The following IL1RAPL1 variants were observed in gnomAD, a reference collection of about 807,000 sequenced individuals.
IL1RAPL1 encodes interleukin 1 receptor accessory protein like 1, also known as interleukin-1 receptor accessory protein-like 1.
A neutral mutation model predicts 48.4 loss-of-function variants in IL1RAPL1; 3 were observed. The observed-to-expected ratio is 0.06, with a 90% CI of 0.03 to 0.16. The LOEUF (loss-of-function observed/expected upper bound fraction) is 0.16. IL1RAPL1 is among the 10% of genes least tolerant of loss of function. The probability of loss-of-function intolerance (pLI) is 1.00; values close to 1 mark genes in which losing one functional copy is unlikely to be tolerated. For missense variants in IL1RAPL1, 349 were observed against 530.6 expected (o/e 0.66, Z 3.36); for synonymous variants, 185 against 187.7 (o/e 0.99, Z 0.12).
At position 28,896,257 on chromosome X, in the gene IL1RAPL1, G is replaced by C. The variant is rs979751256; in HGVS notation, c.82+106832G>C. Among the ~76,000 whole-genome samples, 4 of 112,046 alleles carry C rather than the reference G, an allele frequency of 3.6e-5. No homozygotes were observed. The Admixed American group carries it at 3.8e-4, about 11-fold the overall frequency. The stretch of plus-strand genomic sequence containing the variant: ...GAGGTTAATTAAGTCCTGTTGTGGG[G>C]TTTGAGGGCTGGAATTTAATTTTTG... On this transcript the variant is annotated intron_variant, in intron 2 of 10. Transcript: ENST00000378993.
At chrX:29,149,257 T>C (rs1216748934) in intron 2 of IL1RAPL1, among the ~76,000 whole-genome samples, 2 of 110,835 alleles carry the variant, frequency 1.8e-5, no homozygotes, top group Non-Finnish European at 3.8e-5. Flanking sequence ...ATTTATCTAG[T>C]CTGCATTTGG....
At chrX:29,575,285 C>G (rs1300076868) in intron 5 of IL1RAPL1, among the ~76,000 whole-genome samples, 1 of 111,505 alleles carries the variant, frequency 9.0e-6, no homozygotes, top group African/African-American at 3.3e-5. Flanking sequence ...TCACATGAAC[C>G]CAAGTCAAAG....
At chrX:29,249,981 A>G (rs2147572548) in intron 2 of IL1RAPL1, among the ~76,000 whole-genome samples, 1 of 112,272 alleles carries the variant, frequency 8.9e-6, no homozygotes, top group Non-Finnish European at 1.9e-5. Context: ...AAAATGTTAT[A>G]TAGGAAATTT....
At chrX:28,705,704 G>A (rs1935367476) in intron 1 of IL1RAPL1, among the ~76,000 whole-genome samples, 1 of 111,661 alleles carries the variant, frequency 9.0e-6, no homozygotes, top group Non-Finnish European at 1.9e-5. Flanking sequence ...AATTGCTCAT[G>A]AAATTCTGCT....
intron 3 of IL1RAPL1, among the ~76,000 whole-genome samples, chrX:29,293,486 A>G (rs1932401534): frequency 9.0e-6 from 1 of 111,587 alleles, no homozygotes; most frequent in Middle Eastern, 4.2e-3. Flanking sequence ...TCAAATTAAT[A>G]TGGAGTAGAT....
chrX:29,897,510 G>A (rs1261779014), intron 6 of IL1RAPL1, among the ~76,000 whole-genome samples: 1 of 111,700 alleles, frequency 9.0e-6, no homozygotes, highest in African/African-American at 3.3e-5. Context: ...TTATTGTTAT[G>A]TAAACCAGTA....
At chrX:29,681,229 C>G (rs1926440503) in intron 6 of IL1RAPL1, among the ~76,000 whole-genome samples, 1 of 112,481 alleles carries the variant, frequency 8.9e-6, no homozygotes, top group African/African-American at 3.2e-5. Flanking sequence ...AGAGTTTATA[C>G]TACGAAATAC....
intron 2 of IL1RAPL1, among the ~76,000 whole-genome samples, chrX:29,199,637 G>A (rs1439049993): frequency 9.0e-6 from 1 of 111,182 alleles, no homozygotes; most frequent in Non-Finnish European, 1.9e-5. Flanking sequence ...CAATAGGTTT[G>A]CTCTCCTATG....
intron 6 of IL1RAPL1, among the ~76,000 whole-genome samples, chrX:29,724,289 A>G (rs1358611701): frequency 9.0e-6 from 1 of 110,969 alleles, no homozygotes; most frequent in Non-Finnish European, 1.9e-5. Flanking sequence ...GCCACTGACC[A>G]CTCCCTCAGG....
chrX:29,433,376 A>G (rs1380420257), intron 5 of IL1RAPL1, among the ~76,000 whole-genome samples: 2 of 110,934 alleles, frequency 1.8e-5, no homozygotes, highest in African/African-American at 3.3e-5. Flanking sequence ...ATCCCTTTCA[A>G]GTATATATAA....
intron 5 of IL1RAPL1, among the ~76,000 whole-genome samples, chrX:29,506,633 G>T (rs1007395557): frequency 5.4e-5 from 6 of 110,899 alleles, no homozygotes; most frequent in African/African-American, 2.0e-4. Flanking sequence ...CTATGGGAAG[G>T]CTATCTTGGG....
rs778199033 is a variant in IL1RAPL1, at chrX:29,283,204, G to T, written c.349G>T (p.Ala117Ser). The change falls in exon 3 of 11, where the codon GCC becomes TCC. Residue 117 changes from alanine (A) to serine (S), a missense_variant. Physicochemically the swap from Ala to Ser is moderately conservative, Grantham distance 99 (BLOSUM62 1). Around this residue, in one of 3 missense-constraint regions of IL1RAPL1, gnomAD observed 238 missense variants for 337.8 expected, o/e 0.70. Coordinates refer to ENST00000378993, the MANE Select transcript of IL1RAPL1 (RefSeq NM_014271.4). Reference sequence around the variant, plus strand: ...ATTGCTACAGGACAGTGGTCTCTACGCCTGTGTCATCAGGTATCCCTTTAA... The same window carrying T: ...ATTGCTACAGGACAGTGGTCTCTACTCCTGTGTCATCAGGTATCCCTTTAA... ...PTLLQDSGLYACVIRNSTYCM... is the reference protein window; with the variant it reads ...PTLLQDSGLYSCVIRNSTYCM... The T allele has an allele frequency of 9.1e-6, 11 of 1,210,807 alleles. No individual in the cohort carries two copies. The highest frequency in any genetic ancestry group is 1.1e-5 in the Non-Finnish European group (10 of 894,669).
intron 2 of IL1RAPL1, among the ~76,000 whole-genome samples, chrX:28,799,377 A>G (rs1452679415): frequency 1.8e-5 from 2 of 112,431 alleles, no homozygotes; most frequent in African/African-American, 6.5e-5. Flanking sequence ...TGGCTGAGAT[A>G]TTTAATAACT....
chrX:29,922,776 G>A (rs1932857246), intron 8 of IL1RAPL1, among the ~76,000 whole-genome samples: 1 of 112,169 alleles, frequency 8.9e-6, no homozygotes, highest in African/African-American at 3.2e-5. Flanking sequence ...TATCAGGTGA[G>A]TTGCTATATT....
At chrX:29,880,697 C>T (rs1409634011) in intron 6 of IL1RAPL1, among the ~76,000 whole-genome samples, 1 of 111,391 alleles carries the variant, frequency 9.0e-6, no homozygotes, top group Non-Finnish European at 1.9e-5. Flanking sequence ...TCAAACTTCC[C>T]TTTTGACAGG....
intron 1 of IL1RAPL1, among the ~76,000 whole-genome samples, chrX:28,702,891 G>T (rs1385138822): frequency 9.1e-6 from 1 of 109,821 alleles, no homozygotes; most frequent in African/African-American, 3.3e-5. Flanking sequence ...ATTCAAAATG[G>T]AATTGAGACC....
In IL1RAPL1 at chrX:29,281,513, A is replaced by G. The variant is rs768010261; in HGVS notation, c.83-1425A>G. ...ATCATACCCCACCCCCATCCTCCGC[A>G]TTTCCCACCATGGTTTCTTGTTTAC... On this transcript the variant is annotated intron_variant, in intron 2 of 10. Transcript: ENST00000378993. Among the ~76,000 whole-genome samples the G allele has an allele frequency of 1.0e-4, 11 of 110,485 alleles. No homozygotes were observed. The East Asian group carries it at 2.9e-3, about 29-fold the overall frequency.
At chrX:29,241,047 G>A (rs1364745326) in intron 2 of IL1RAPL1, among the ~76,000 whole-genome samples, 2 of 111,956 alleles carry the variant, frequency 1.8e-5, no homozygotes, top group African/African-American at 6.5e-5. Context: ...GCTCTCGATC[G>A]CTCTCATCCA....
At chrX:29,774,566 T>G (rs1402794430) in intron 6 of IL1RAPL1, among the ~76,000 whole-genome samples, 1 of 112,497 alleles carries the variant, frequency 8.9e-6, no homozygotes, top group Non-Finnish European at 1.9e-5. Flanking sequence ...CTAATTTAAA[T>G]AATATTTCAG....
Sources: allele counts gnomAD v4.1 joint callset (sites outside exome capture counted in the v4.1 genomes callset), GRCh38; gene constraint gnomAD v4.1.1; regional missense constraint gnomAD v4.1.1; transcripts MANE v1.5; gene names NCBI Gene and HGNC (gene_info 2026-07-23, HGNC 2026-07-21).